Variants in EYS observed in about 807,000 individuals in gnomAD.
The protein encoded by EYS is EGF-like photoreceptor maintenance factor, also known as protein eyes shut homolog.
A neutral mutation model predicts 282.1 loss-of-function variants in EYS; 250 were observed. The observed-to-expected ratio is 0.89, with a 90% CI of 0.80 to 0.98. The LOEUF is 0.98. Among genes scored for constraint, EYS ranks in the 50% least tolerant of loss-of-function variants. The pLI is 0.00. For missense variants in EYS, 4,016 were observed against 3,709.0 expected (o/e 1.08, Z -2.15); for synonymous variants, 1,355 against 1,282.9 (o/e 1.06, Z -1.20).
rs1769194910 is a variant in EYS at position 65,564,444 on chromosome 6, G to T, written c.-332-68451C>A. 2.0e-5 allele frequency among the ~76,000 whole-genome samples: 3 copies of T among 152,234 alleles called. No homozygotes were observed. The South Asian group carries it at 6.2e-4, about 32-fold the overall frequency. ...AACAGATATACAGAGCAATGGAACA[G>T]AACAGAGGCCTCAGAAGTAATGCCA... is the stretch of plus-strand genomic sequence containing the variant. On this transcript the variant is annotated intron_variant, in intron 2 of 42. Transcript: ENST00000503581.
chr6:63,754,862 A>G (rs1437139224), intron 41 of EYS, among the ~76,000 whole-genome samples: 1 of 152,064 alleles, frequency 6.6e-6, no homozygotes, highest in Non-Finnish European at 1.5e-5. Context: ...TTGTTTCCTG[A>G]CTTTTTAATG....
intron 35 of EYS, among the ~76,000 whole-genome samples, chr6:63,877,069 G>T (rs1202250615): frequency 6.6e-6 from 1 of 152,132 alleles, no homozygotes; most frequent in Non-Finnish European, 1.5e-5. Flanking sequence ...AGCCTTGATG[G>T]TCTTTACAAT....
intron 28 of EYS, among the ~76,000 whole-genome samples, chr6:64,408,252 T>C (rs985074015): frequency 1.3e-5 from 2 of 152,180 alleles, no homozygotes; most frequent in East Asian, 3.8e-4. Flanking sequence ...AACATAATGC[T>C]TTATAGTTCA....
intron 22 of EYS, among the ~76,000 whole-genome samples, chr6:64,640,398 T>G (rs983510716): frequency 1.3e-5 from 2 of 152,166 alleles, no homozygotes; most frequent in Admixed American, 6.5e-5. Flanking sequence ...GCCATAAAAA[T>G]GATGAGTTCA....
At chr6:64,628,222 T>A (rs1035635606) in intron 22 of EYS, among the ~76,000 whole-genome samples, 1 of 147,146 alleles carries the variant, frequency 6.8e-6, no homozygotes, top group African/African-American at 2.5e-5. Flanking sequence ...CCCATCTTTG[T>A]AGCAAAAAGA....
At chr6:65,211,114 A>T (rs1054890939) in intron 12 of EYS, among the ~76,000 whole-genome samples, 1 of 152,032 alleles carries the variant, frequency 6.6e-6, no homozygotes, top group Non-Finnish European at 1.5e-5. Context: ...TGAATTAACC[A>T]AATATAAAAA....
At chr6:63,847,892 A>C (rs1347127431) in intron 36 of EYS, among the ~76,000 whole-genome samples, 2 of 152,242 alleles carry the variant, frequency 1.3e-5, no homozygotes, top group East Asian at 3.8e-4. Flanking sequence ...AATGTACTTA[A>C]AATGTTGAAA....
intron 8 of EYS, among the ~76,000 whole-genome samples, chr6:65,356,575 C>A (rs1764494479): frequency 1.3e-5 from 2 of 151,958 alleles, no homozygotes; most frequent in African/African-American, 2.4e-5. Context: ...AACAAAGTCA[C>A]CCAGGATATA....
At chr6:64,182,890 G>T (rs1450403060) in intron 31 of EYS, among the ~76,000 whole-genome samples, 1 of 152,012 alleles carries the variant, frequency 6.6e-6, no homozygotes, top group Non-Finnish European at 1.5e-5. Context: ...TGCCCCTCAG[G>T]CATCTTTTGG....
At chr6:64,509,770 T>A (rs1227859379) in intron 26 of EYS, among the ~76,000 whole-genome samples, 5 of 152,138 alleles carry the variant, frequency 3.3e-5, no homozygotes, top group Non-Finnish European at 7.4e-5. Flanking sequence ...GCAACAATTA[T>A]GTGTGTGATA....
At chr6:64,183,007 G>T (rs141408559) in intron 31 of EYS, among the ~76,000 whole-genome samples, 2 of 152,046 alleles carry the variant, frequency 1.3e-5, no homozygotes, top group Non-Finnish European at 2.9e-5. Flanking sequence ...AACATGTCAC[G>T]GGAACGACCA....
At chr6:64,407,785 G>T (rs2150441153) in intron 28 of EYS, among the ~76,000 whole-genome samples, 1 of 152,234 alleles carries the variant, frequency 6.6e-6, no homozygotes, top group East Asian at 1.9e-4. Context: ...AGGCTGGAGT[G>T]CAATGGTGTG....
chr6:65,313,020 C>G (rs1016137500), intron 11 of EYS, among the ~76,000 whole-genome samples: 63 of 152,166 alleles, frequency 4.1e-4, no homozygotes, highest in African/African-American at 1.4e-3. Context: ...AGATCCCCTA[C>G]TGTTTCGTGG....
intron 15 of EYS, 115 bp from the exon 16 acceptor site, chr6:64,912,858 G>T: frequency 1.9e-6 from 1 of 533,058 alleles, no homozygotes; most frequent in Non-Finnish European, 3.0e-6. Context: ...TTTATAACAG[G>T]ACTAATAAAT....
intron 2 of EYS, among the ~76,000 whole-genome samples, chr6:65,612,320 T>C (rs763192095): frequency 2.0e-5 from 3 of 151,646 alleles, no homozygotes; most frequent in South Asian, 2.1e-4. Flanking sequence ...TCATGAAATA[T>C]GATGAATTGA....
At chr6:64,130,835 C>G (rs1221224832) in intron 31 of EYS, among the ~76,000 whole-genome samples, 2 of 151,986 alleles carry the variant, frequency 1.3e-5, no homozygotes, top group African/African-American at 2.4e-5. Flanking sequence ...CTATGCTGAG[C>G]CTTGGAGGCT....
intron 5 of EYS, among the ~76,000 whole-genome samples, chr6:65,474,602 T>G (rs889570126): frequency 3.3e-5 from 5 of 152,114 alleles, no homozygotes; most frequent in Non-Finnish European, 7.4e-5. Flanking sequence ...TTCCAACAGA[T>G]AGCATCAGCA....
intron 29 of EYS, among the ~76,000 whole-genome samples, chr6:64,327,748 C>CCCGTCCTA (rs1770483522): frequency 6.6e-6 from 1 of 152,122 alleles, no homozygotes; most frequent in Non-Finnish European, 1.5e-5. Flanking sequence ...GCAGAAAAAA[C>CCCGTCCTA]CCGTCCTACA....
chr6:64,364,592 T>C (rs946146584), intron 29 of EYS, among the ~76,000 whole-genome samples: 10 of 151,964 alleles, frequency 6.6e-5, no homozygotes, highest in African/African-American at 2.4e-4. Flanking sequence ...TTTAAAGGCT[T>C]TTCTACCTTT....
Sources: gnomAD v4.1 joint callset for allele counts (sites outside exome capture counted in the v4.1 genomes callset) on GRCh38, gnomAD v4.1.1 for gene constraint, MANE v1.5 for transcripts, NCBI Gene and HGNC (gene_info 2026-07-23, HGNC 2026-07-21) for gene names.